The following LARGE1 variants were observed in gnomAD, a reference collection of about 807,000 sequenced individuals.
The protein encoded by LARGE1 is LARGE xylosyl- and glucuronyltransferase 1.
LARGE1 carries 43 observed loss-of-function variants against 87.6 expected under a neutral mutation model. That is an observed-to-expected ratio of 0.49 (90% CI 0.38 to 0.63). The LOEUF is 0.63. LARGE1 is among the 30% of genes least tolerant of loss of function. The pLI is 0.00. For missense variants in LARGE1, 802 were observed against 1,000.2 expected, an observed-to-expected ratio of 0.80 and a Z score of 2.67; for synonymous variants, 434 against 394.6, an observed-to-expected ratio of 1.10 and a Z score of -1.18.
intron 11 of LARGE1, among the ~76,000 whole-genome samples, chr22:33,208,724 C>A (rs1346823624): frequency 1.3e-5 from 2 of 152,160 alleles, no homozygotes; most frequent in East Asian, 1.9e-4. Flanking sequence ...CCTGCCCTAA[C>A]CCCCACCACC....
chr22:33,303,712 C>A (rs1352179102), intron 12 of LARGE1, among the ~76,000 whole-genome samples: 2 of 152,076 alleles, frequency 1.3e-5, no homozygotes, highest in Non-Finnish European at 2.9e-5. Flanking sequence ...ACCTCCGACT[C>A]CCTGGTTCAA....
chr22:33,312,562 T>G (rs1935721419), intron 11 of LARGE1, among the ~76,000 whole-genome samples: 1 of 152,192 alleles, frequency 6.6e-6, no homozygotes, highest in African/African-American at 2.4e-5. Flanking sequence ...ACTCTTTACT[T>G]TGATTAGAAA....
intron 5 of LARGE1, among the ~76,000 whole-genome samples, chr22:33,581,278 G>T (rs1056633553): frequency 1.3e-5 from 2 of 152,124 alleles, no homozygotes; most frequent in Non-Finnish European, 2.9e-5. Flanking sequence ...CCTAATGCTG[G>T]AACTTTATCA....
At chr22:33,266,401 T>A (rs1388397101) in intron 11 of LARGE1, among the ~76,000 whole-genome samples, 2 of 151,188 alleles carry the variant, frequency 1.3e-5, no homozygotes, top group Admixed American at 6.6e-5. Context: ...TTTTCGTATT[T>A]TTAGTAGAGA....
rs12159735 is a variant in LARGE1 at position 33,401,340 on chromosome 22, T to C, written c.893-17036A>G. 8.9e-3 allele frequency among the ~76,000 whole-genome samples: 1,347 copies of C among 152,202 alleles called. 20 individuals are homozygous for C. The highest frequency in any genetic ancestry group is 0.031 in the African/African-American group (1,274 of 41,530). On this transcript the variant is annotated intron_variant, in intron 7 of 14. Transcript: ENST00000397394. ...AAAATGAGGTCAGACGGGTGACCAA[T>C]GTCCAATCAACTGGTCAGAAATGCT...
At chr22:33,150,501 T>C in the LARGE1 span, among the ~76,000 whole-genome samples, 2 of 152,194 alleles carry the variant, frequency 1.3e-5, no homozygotes, top group Non-Finnish European at 2.9e-5. Context: ...ATAAGGTCCA[T>C]ACATTTAATC....
chr22:33,376,249 T>C (rs1037413342), intron 9 of LARGE1, among the ~76,000 whole-genome samples: 6 of 152,354 alleles, frequency 3.9e-5, no homozygotes, highest in African/African-American at 1.4e-4. Context: ...CACCTGTTAT[T>C]AGATGATAGC....
chr22:33,650,589 G>C lies in LARGE1; in HGVS notation c.186C>G (p.Arg62=), dbSNP rs535793068. 1.3e-5 allele frequency: 21 copies of C among 1,605,754 alleles called. No individual in the cohort carries two copies. Among genetic ancestry groups the C allele is most frequent in the Middle Eastern group, 1.7e-4 (1 of 5,964 alleles). Reference sequence around the variant, plus strand: ...CGCGCATGCGCACCTCCAGGCTCTCGCGCTCCCGCTGGCTGGAGGCCGTGT... The same window carrying C: ...CGCGCATGCGCACCTCCAGGCTCTCCCGCTCCCGCTGGCTGGAGGCCGTGT... ...PRYTASSQRE[R]ESLEVRMREV... is the part of the protein sequence containing the mutation. The change falls in exon 3 of 15, where the codon CGC becomes CGG. Residue 62 remains arginine, a synonymous_variant. Transcript: ENST00000397394.
At chr22:33,872,465 T>G (rs1169333942) in intron 1 of LARGE1, among the ~76,000 whole-genome samples, 1 of 151,646 alleles carries the variant, frequency 6.6e-6, no homozygotes, top group Non-Finnish European at 1.5e-5. Context: ...GCAGCTGCTA[T>G]CCATCGTCAT....
chr22:33,860,163 A>G (rs965921655), intron 1 of LARGE1, among the ~76,000 whole-genome samples: 9 of 152,114 alleles, frequency 5.9e-5, no homozygotes, highest in Non-Finnish European at 1.0e-4. Context: ...AATTAAAAAA[A>G]AATTTTTTTG....
At chr22:33,769,868 AC>A (rs2085012857) in intron 1 of LARGE1, among the ~76,000 whole-genome samples, 1 of 152,008 alleles carries the variant, frequency 6.6e-6, no homozygotes, top group Non-Finnish European at 1.5e-5. Context: ...TCTAATGAAG[AC>A]CCCTGTTCCA....
intron 3 of LARGE1, among the ~76,000 whole-genome samples, chr22:33,641,170 C>A (rs1051976905): frequency 1.4e-4 from 21 of 152,130 alleles, no homozygotes; most frequent in African/African-American, 5.1e-4. Flanking sequence ...GGCGGGTGCC[C>A]CTCTGGGACA....
chr22:33,357,852 C>T (rs1941042148), intron 9 of LARGE1, among the ~76,000 whole-genome samples: 1 of 152,182 alleles, frequency 6.6e-6, no homozygotes, highest in Non-Finnish European at 1.5e-5. Flanking sequence ...GTCTCAAAGC[C>T]TTGTACTGCT....
chr22:33,333,089 C>T (rs1937952167), intron 10 of LARGE1, among the ~76,000 whole-genome samples: 1 of 150,584 alleles, frequency 6.6e-6, no homozygotes, highest in African/African-American at 2.5e-5. Flanking sequence ...TCACTGCAAG[C>T]TCTGCCTCCC....
intron 11 of LARGE1, among the ~76,000 whole-genome samples, chr22:33,211,392 T>C (rs977753007): frequency 3.3e-5 from 5 of 152,150 alleles, no homozygotes; most frequent in South Asian, 2.1e-4. Flanking sequence ...GGAAGACATG[T>C]TGAAAGTGGA....
intron 5 of LARGE1, among the ~76,000 whole-genome samples, chr22:33,574,539 G>A (rs947576272): frequency 6.6e-6 from 1 of 151,856 alleles, no homozygotes; most frequent in Non-Finnish European, 1.5e-5. Flanking sequence ...AAAGGGGAGT[G>A]ATAAGAAAGG....
At chr22:33,706,403 G>A (rs895227896) in intron 2 of LARGE1, among the ~76,000 whole-genome samples, 1 of 152,172 alleles carries the variant, frequency 6.6e-6, no homozygotes, top group Non-Finnish European at 1.5e-5. Context: ...GAGGAAACAG[G>A]AAGGGGGAGC....
At chr22:33,578,416 C>A (rs757969027) in intron 5 of LARGE1, among the ~76,000 whole-genome samples, 35 of 152,006 alleles carry the variant, frequency 2.3e-4, no homozygotes, top group Non-Finnish European at 4.1e-4. Flanking sequence ...ATTGTGTGTG[C>A]CAAATTCTGT....
At chr22:33,286,936 C>T (rs1306858817) in intron 12 of LARGE1, among the ~76,000 whole-genome samples, 1 of 152,186 alleles carries the variant, frequency 6.6e-6, no homozygotes, top group African/African-American at 2.4e-5. Flanking sequence ...GCCCTACCTG[C>T]ACCCCTGGCA....
Sources: allele counts gnomAD v4.1 joint callset (sites outside exome capture counted in the v4.1 genomes callset), GRCh38; gene constraint gnomAD v4.1.1; transcripts MANE v1.5; gene names NCBI Gene and HGNC (gene_info 2026-07-23, HGNC 2026-07-21).